The following LHFPL3 variants were observed in gnomAD, a reference collection of about 807,000 sequenced individuals.
LHFPL3 encodes LHFPL tetraspan subfamily member 3, also known as LHFPL tetraspan subfamily member 3 protein.
LHFPL3 carries 5 observed loss-of-function variants against 19.3 expected under a neutral mutation model. The observed-to-expected ratio is 0.26, with a 90% CI of 0.14 to 0.54. The LOEUF (loss-of-function observed/expected upper bound fraction) is 0.54. Ranked by LOEUF, LHFPL3 falls within the 20% of genes least tolerant of loss-of-function variation. The pLI is 0.94. For synonymous variants in LHFPL3, 133 were observed against 126.2 expected (o/e 1.05, Z -0.36); for missense variants, 249 against 307.4 (o/e 0.81, Z 1.42).
intron 1 of LHFPL3, among the ~76,000 whole-genome samples, chr7:104,716,699 C>T (rs1346417844): frequency 6.6e-6 from 1 of 152,164 alleles, no homozygotes; most frequent in Non-Finnish European, 1.5e-5. Flanking sequence ...GGAAAGACAT[C>T]TCATGTTTAT....
At chr7:104,519,932 C>T (rs1486333531) in intron 1 of LHFPL3, among the ~76,000 whole-genome samples, 1 of 151,942 alleles carries the variant, frequency 6.6e-6, no homozygotes, top group Non-Finnish European at 1.5e-5. Flanking sequence ...TTTCTCGGGA[C>T]TTCTGCATTG....
intron 2 of LHFPL3, among the ~76,000 whole-genome samples, chr7:104,904,801 C>T (rs759488169): frequency 5.3e-5 from 8 of 152,104 alleles, no homozygotes; most frequent in Non-Finnish European, 8.8e-5. Flanking sequence ...ATACCCTTAA[C>T]CCCTGGTTCA....
At chr7:104,447,523 A>C (rs1395065438) in intron 1 of LHFPL3, among the ~76,000 whole-genome samples, 3 of 152,150 alleles carry the variant, frequency 2.0e-5, no homozygotes, top group Admixed American at 2.0e-4. Flanking sequence ...AGTTTCTTTA[A>C]TCAATGCCAC....
At chr7:104,680,299 G>C (rs4512324) in intron 1 of LHFPL3, among the ~76,000 whole-genome samples, 83,223 of 152,044 alleles carry the variant, frequency 0.55, 23,022 homozygotes, top group South Asian at 0.66. Flanking sequence ...TCCTTTGGCA[G>C]CAAGAGTAAT....
chr7:104,348,169 G>A (rs2116382674), intron 1 of LHFPL3, among the ~76,000 whole-genome samples: 1 of 152,304 alleles, frequency 6.6e-6, no homozygotes, highest in African/African-American at 2.4e-5. Flanking sequence ...TGTGGATCAC[G>A]AGGTCAAGAG....
chr7:104,329,371 G>C, intron 1 of LHFPL3, 147 bp downstream of exon 1: 2 of 1,059,486 alleles, frequency 1.9e-6, no homozygotes, highest in Non-Finnish European at 2.6e-6. Flanking sequence ...GGGGGCGGGA[G>C]CCCAGCGAGG....
intron 1 of LHFPL3, among the ~76,000 whole-genome samples, chr7:104,581,213 T>C (rs1163891199): frequency 6.6e-6 from 1 of 152,104 alleles, no homozygotes; most frequent in Admixed American, 6.6e-5. Flanking sequence ...TTTTGAATTT[T>C]AGCCATTCTG....
rs954065608 is a variant in LHFPL3 at position 104,567,122 on chromosome 7, G to A, written c.446-169553G>A. Among the ~76,000 whole-genome samples the A allele has an allele frequency of 2.0e-5, 3 of 152,322 alleles. No homozygotes were observed. In the East Asian group the frequency reaches 5.8e-4, roughly 29 times the overall value. Reference sequence around the variant, plus strand: ...TTATATCAAACGAAGTGTTTAGATGGTACTGTCTTTCACTTAACTTTTGTG... The same window carrying A: ...TTATATCAAACGAAGTGTTTAGATGATACTGTCTTTCACTTAACTTTTGTG... On this transcript the variant is annotated intron_variant, in intron 1 of 2. Transcript: ENST00000424859.
At chr7:104,451,218 T>C (rs1792430591) in intron 1 of LHFPL3, among the ~76,000 whole-genome samples, 1 of 152,108 alleles carries the variant, frequency 6.6e-6, no homozygotes, top group African/African-American at 2.4e-5. Flanking sequence ...TGAAAGGGTG[T>C]TGAAAGAAAA....
intron 1 of LHFPL3, among the ~76,000 whole-genome samples, chr7:104,338,561 C>G (rs957102574): frequency 6.6e-6 from 1 of 152,140 alleles, no homozygotes; most frequent in Non-Finnish European, 1.5e-5. Flanking sequence ...ATAATCATTT[C>G]TCCTTTGGAA....
At chr7:104,484,569 C>T (rs1313845898) in intron 1 of LHFPL3, among the ~76,000 whole-genome samples, 4 of 152,248 alleles carry the variant, frequency 2.6e-5, no homozygotes, top group African/African-American at 7.2e-5. Context: ...TGAGGCAAAA[C>T]ATCTAAAGTA....
intron 1 of LHFPL3, among the ~76,000 whole-genome samples, chr7:104,509,241 C>T (rs564961688): frequency 1.3e-3 from 189 of 141,352 alleles, no homozygotes; most frequent in African/African-American, 4.7e-3. Context: ...AAACCAAAGA[C>T]AGTACAAAAA....
intron 1 of LHFPL3, among the ~76,000 whole-genome samples, chr7:104,404,012 G>T (rs538663139): frequency 6.6e-6 from 1 of 152,134 alleles, no homozygotes; most frequent in Non-Finnish European, 1.5e-5. Context: ...ATTTGTTTAC[G>T]TACTGTCTGT....
chr7:104,521,160 T>C (rs1283001639), intron 1 of LHFPL3, among the ~76,000 whole-genome samples: 1 of 152,172 alleles, frequency 6.6e-6, no homozygotes, highest in Non-Finnish European at 1.5e-5. Context: ...TTTGTTCTCG[T>C]TGGTTTCAAA....
chr7:104,606,795 G>A (rs915622202), intron 1 of LHFPL3, among the ~76,000 whole-genome samples: 5 of 152,094 alleles, frequency 3.3e-5, no homozygotes, highest in African/African-American at 9.7e-5. Flanking sequence ...TGGTGGGCAG[G>A]GGTCTAGGGT....
intron 1 of LHFPL3, among the ~76,000 whole-genome samples, chr7:104,574,233 A>T (rs1384048120): frequency 6.6e-6 from 1 of 152,210 alleles, no homozygotes; most frequent in Non-Finnish European, 1.5e-5. Flanking sequence ...GTCTACTCAG[A>T]ACACCACTGC....
At chr7:104,417,875 CTTCTTCTTCT>C (rs1051609954) in intron 1 of LHFPL3, among the ~76,000 whole-genome samples, 2 of 123,562 alleles carry the variant, frequency 1.6e-5, no homozygotes, top group African/African-American at 3.4e-5. Context: ...TCTTCTTCTT[CTTCTTCTTCT>C]TTTTTTTTTT....
At chr7:104,624,806 T>G (rs1339814612) in intron 1 of LHFPL3, among the ~76,000 whole-genome samples, 1 of 152,212 alleles carries the variant, frequency 6.6e-6, no homozygotes, top group Non-Finnish European at 1.5e-5. Flanking sequence ...CTTCTTTCTC[T>G]AGTGGAAAAC....
chr7:104,848,661 AAGG>A (rs1791358965), intron 2 of LHFPL3, among the ~76,000 whole-genome samples: 1 of 151,800 alleles, frequency 6.6e-6, no homozygotes, highest in South Asian at 2.1e-4. Context: ...GAGAAGGGGA[AAGG>A]AGGAGGAAAG....
Sources: allele counts gnomAD v4.1 joint callset (sites outside exome capture counted in the v4.1 genomes callset), GRCh38; gene constraint gnomAD v4.1.1; transcripts MANE v1.5; gene names NCBI Gene and HGNC (gene_info 2026-07-23, HGNC 2026-07-21).